Variants in ARHGAP10 observed in about 807,000 individuals in gnomAD.
ARHGAP10 encodes rho GTPase-activating protein 10.
Under a neutral mutation model 108.6 loss-of-function variants are expected in ARHGAP10, and 87 were observed. The ratio of observed to expected loss-of-function variants is 0.80; its 90% CI spans 0.67 to 0.96. ARHGAP10 has a LOEUF of 0.96. Among genes scored for constraint, ARHGAP10 ranks in the 40% least tolerant of loss-of-function variants. ARHGAP10 has a pLI of 0.00. For missense variants in ARHGAP10, 939 were observed against 954.5 expected (o/e 0.98, Z 0.21); for synonymous variants, 347 against 341.1 (o/e 1.02, Z -0.19).
intron 6 of ARHGAP10, 43 bp downstream of exon 6, chr4:147,864,999 A>G (rs1456921417): frequency 1.3e-6 from 2 of 1,504,028 alleles, no homozygotes; most frequent in Admixed American, 1.7e-5. Flanking sequence ...TTTGCAATGT[A>G]AGATAAGTAT....
At chr4:147,914,409 G>A (rs1736875410) in intron 13 of ARHGAP10, among the ~76,000 whole-genome samples, 1 of 151,930 alleles carries the variant, frequency 6.6e-6, no homozygotes, top group Admixed American at 6.6e-5. Context: ...CCAGGCTGGA[G>A]TGTGGTGGTG....
At chr4:147,839,092 GTATCTATCTATC>G (rs139337846) in intron 3 of ARHGAP10, among the ~76,000 whole-genome samples, 2,721 of 143,886 alleles carry the variant, frequency 0.019, 80 homozygotes, top group African/African-American at 0.06. Flanking sequence ...TAGATCTATC[GTATCTATCTATC>G]TATCTATCTA....
intron 18 of ARHGAP10, among the ~76,000 whole-genome samples, chr4:148,022,177 C>T (rs369056506): frequency 1.4e-3 from 218 of 152,228 alleles, no homozygotes; most frequent in African/African-American, 4.5e-3. Context: ...ATGTGCAGAA[C>T]GTGCAGGTTC....
At chr4:147,939,597 T>C (rs1335161813) in intron 13 of ARHGAP10, among the ~76,000 whole-genome samples, 2 of 152,238 alleles carry the variant, frequency 1.3e-5, no homozygotes, top group East Asian at 1.9e-4. Flanking sequence ...AGGCATTTCA[T>C]TTTTGTCCAC....
At chr4:148,017,100 T>C (rs1257055327) in intron 18 of ARHGAP10, among the ~76,000 whole-genome samples, 2 of 151,316 alleles carry the variant, frequency 1.3e-5, no homozygotes, top group Admixed American at 6.6e-5. Flanking sequence ...TGGATGGGCA[T>C]GATTGATCAT....
chr4:147,771,273 G>A (rs775460457), intron 1 of ARHGAP10, among the ~76,000 whole-genome samples: 9 of 152,134 alleles, frequency 5.9e-5, no homozygotes, highest in South Asian at 2.1e-4. Flanking sequence ...ATGTCCAGCC[G>A]CCTGTAACAG....
At chr4:147,825,801 GT>G (rs1732685112) in intron 3 of ARHGAP10, among the ~76,000 whole-genome samples, 1 of 152,116 alleles carries the variant, frequency 6.6e-6, no homozygotes, top group African/African-American at 2.4e-5. Flanking sequence ...CTCTTTGATA[GT>G]TGTACTTCCC....
rs1313117025 is a variant in ARHGAP10 at position 148,064,390 on chromosome 4, GT to G, written c.2181-25del. 5 of 1,605,918 alleles carry G rather than the reference GT, an allele frequency of 3.1e-6. No individual in the cohort carries two copies. In the African/African-American group the frequency reaches 6.7e-5, roughly 22 times the overall value. On this transcript the variant is annotated intron_variant, in intron 21 of 22. Transcript: ENST00000336498. The stretch of plus-strand genomic sequence containing the variant: ...CTCTGTTTTCCACATTTTCATTGGT[GT>G]CTTTTGTATTCTCTTTCTTTTCAGC...
chr4:147,759,590 C>A (rs537953772), intron 1 of ARHGAP10, among the ~76,000 whole-genome samples: 14 of 151,600 alleles, frequency 9.2e-5, no homozygotes, highest in Non-Finnish European at 1.8e-4. Flanking sequence ...GCCCCCCCCC[C>A]CCTTTAAAAA....
chr4:147,980,404 A>G (rs1342541614), intron 18 of ARHGAP10, among the ~76,000 whole-genome samples: 1 of 152,180 alleles, frequency 6.6e-6, no homozygotes, highest in Non-Finnish European at 1.5e-5. Context: ...ATCATGGCAA[A>G]TTAACTTTCT....
chr4:148,005,743 A>C (rs1248448198), intron 18 of ARHGAP10, among the ~76,000 whole-genome samples: 1 of 152,164 alleles, frequency 6.6e-6, no homozygotes, highest in African/African-American at 2.4e-5. Context: ...TTTCTCTTTC[A>C]TGATTGAGGT....
chr4:147,918,938 AC>A (rs1043363472), intron 13 of ARHGAP10, among the ~76,000 whole-genome samples: 1 of 152,150 alleles, frequency 6.6e-6, no homozygotes, highest in African/African-American at 2.4e-5. Context: ...TCTCATACTT[AC>A]CTTTTGTAGA....
intron 1 of ARHGAP10, among the ~76,000 whole-genome samples, chr4:147,771,656 G>C (rs746863480): frequency 6.6e-6 from 1 of 152,090 alleles, no homozygotes; most frequent in Non-Finnish European, 1.5e-5. Context: ...TTGCTAGAGC[G>C]GGGTAGAATC....
intron 1 of ARHGAP10, among the ~76,000 whole-genome samples, chr4:147,783,164 A>C (rs190265517): frequency 7.5e-6 from 1 of 132,650 alleles, no homozygotes; most frequent in Admixed American, 8.6e-5. Flanking sequence ...ATATTGTATA[A>C]TTTATATAAC....
intron 1 of ARHGAP10, among the ~76,000 whole-genome samples, chr4:147,809,785 G>A (rs1731937605): frequency 6.6e-6 from 1 of 152,154 alleles, no homozygotes; most frequent in Non-Finnish European, 1.5e-5. Flanking sequence ...CATAAGGAGT[G>A]TGCAACGTAG....
intron 22 of ARHGAP10, among the ~76,000 whole-genome samples, chr4:148,067,460 G>A (rs1323602965): frequency 2.0e-5 from 3 of 152,146 alleles, no homozygotes; most frequent in Non-Finnish European, 2.9e-5. Flanking sequence ...TCTGACCACG[G>A]CTTCTGTGGA....
chr4:147,742,476 C>CTTTTTTTTTTTTTTT lies in ARHGAP10; in HGVS notation c.154+10031_154+10045dup, dbSNP rs11420720. ...TTACAGGAGAAATAGTCTGTGAACACTTTTTTTTTTTTTTTTTTTTTTTTG... is the reference window on the plus strand; with the variant it reads ...TTACAGGAGAAATAGTCTGTGAACACTTTTTTTTTTTTTTTTTTTTTTTTTTTTTTTTTTTTTTTG... On this transcript the variant is annotated intron_variant, in intron 1 of 22. Transcript: ENST00000336498. 6.9e-5 allele frequency among the ~76,000 whole-genome samples: 6 copies of CTTTTTTTTTTTTTTT among 86,494 alleles called. 1 individual carries two copies. The highest frequency in any genetic ancestry group is 1.9e-4 in the Admixed American group (1 of 5,330). 56.7% of individuals were successfully genotyped at this position (86,494 alleles called of 152,430 possible). A position where few individuals can be genotyped will look rare whatever the true frequency, so the allele number is the denominator to read the frequency against.
At chr4:147,971,731 C>T (rs76156969) in intron 18 of ARHGAP10, among the ~76,000 whole-genome samples, 6 of 152,208 alleles carry the variant, frequency 3.9e-5, no homozygotes, top group Non-Finnish European at 5.9e-5. Context: ...TTGAGAATGC[C>T]GCTTTAGGAC....
intron 15 of ARHGAP10, among the ~76,000 whole-genome samples, chr4:147,948,135 G>T (rs1336102215): frequency 6.6e-6 from 1 of 151,840 alleles, no homozygotes; most frequent in Non-Finnish European, 1.5e-5. Context: ...GTAGAGACAG[G>T]GTTTCGCTGT....
Sources: gnomAD v4.1 joint callset for allele counts (sites outside exome capture counted in the v4.1 genomes callset) on GRCh38, gnomAD v4.1.1 for gene constraint, MANE v1.5 for transcripts, NCBI Gene and HGNC (gene_info 2026-07-23, HGNC 2026-07-21) for gene names.